HDAC1: variants seen among roughly 807,000 people sequenced by gnomAD.
HDAC1 encodes protein deacetylase HDAC1.
HDAC1 carries 18 observed loss-of-function variants against 65.5 expected under a neutral mutation model. That is an observed-to-expected ratio of 0.27 (90% CI 0.19 to 0.41). The LOEUF is 0.41. Ranked by LOEUF, HDAC1 falls within the 10% of genes least tolerant of loss-of-function variation. The probability of loss-of-function intolerance (pLI) is 1.00; values close to 1 mark genes in which losing one functional copy is unlikely to be tolerated. For missense variants in HDAC1, 373 were observed against 625.2 expected, an observed-to-expected ratio of 0.60 and a Z score of 4.30; for synonymous variants, 211 against 227.9, an observed-to-expected ratio of 0.93 and a Z score of 0.67.
At chr1:32,310,430 A>G (rs1205801048) in intron 2 of HDAC1, among the ~76,000 whole-genome samples, 3 of 152,312 alleles carry the variant, frequency 2.0e-5, no homozygotes, top group East Asian at 1.9e-4. Context: ...TGATAACTCT[A>G]TAACAGGCAC....
At chr1:32,301,382 C>T (rs1418587263) in intron 1 of HDAC1, among the ~76,000 whole-genome samples, 9 of 151,280 alleles carry the variant, frequency 5.9e-5, no homozygotes, top group Admixed American at 4.0e-4. Context: ...GGAGGCGGAG[C>T]TTGCAGTGAG....
At chr1:32,303,328 A>G (rs1570007389) in intron 2 of HDAC1, among the ~76,000 whole-genome samples, 1 of 152,224 alleles carries the variant, frequency 6.6e-6, no homozygotes, top group African/African-American at 2.4e-5. Flanking sequence ...ATGGTGGCAC[A>G]TGCCTGTAGT....
intron 1 of HDAC1, 115 bp downstream of exon 1, chr1:32,292,333 C>A (rs1640709179): frequency 6.6e-7 from 1 of 1,518,022 alleles, no homozygotes; most frequent in Non-Finnish European, 8.8e-7. Flanking sequence ...TGGGGAGAGG[C>A]TCGGAGAGGA....
At chr1:32,308,187 C>T (rs1640937451) in intron 2 of HDAC1, among the ~76,000 whole-genome samples, 1 of 152,158 alleles carries the variant, frequency 6.6e-6, no homozygotes, top group African/African-American at 2.4e-5. Flanking sequence ...GGCATGGTGG[C>T]ACATGCCTGT....
rs1265515246 is a variant in HDAC1, at chr1:32,331,936, T to C, written c.1219+130T>C. The C allele has an allele frequency of 1.4e-6, 2 of 1,413,994 alleles. No homozygotes were observed. The highest frequency in any genetic ancestry group is 2.9e-5 in the African/African-American group (2 of 69,348). The allele number at this position is 1,413,994 out of a possible 1,614,324, so 87.6% of individuals were successfully genotyped here. ...AAATCTGTTTTCGAGTTCCAGTGCCTGTAGGAACAGGTTAGGGAGCCCGAG... is the reference window on the plus strand; with the variant it reads ...AAATCTGTTTTCGAGTTCCAGTGCCCGTAGGAACAGGTTAGGGAGCCCGAG... On this transcript the variant is annotated intron_variant, in intron 11 of 13. Coordinates refer to ENST00000373548, the MANE Select transcript of HDAC1 (RefSeq NM_004964.3). This position sits in a 1 kb window ranked among gnomAD's most constrained non-coding sequence, Gnocchi z 4.2.
At position 32,324,471 on chromosome 1, in the gene HDAC1, C is replaced by G; in HGVS notation, c.281-8C>G. On this transcript the variant is annotated splice_polypyrimidine_tract_variant and splice_region_variant and intron_variant, in intron 3 of 13. Coordinates refer to ENST00000373548, the MANE Select transcript of HDAC1 (RefSeq NM_004964.3). ...GTGGAAACTAACCTTTTGCTTATTT[C>G]TTTCAAGTCAACGTTGGTGAGGACT... 6.2e-7 allele frequency: 1 copy of G among 1,602,260 alleles called. No individual in the cohort carries two copies. Among genetic ancestry groups the G allele is most frequent in the Non-Finnish European group, 8.6e-7 (1 of 1,169,508 alleles).
chr1:32,331,997 T>A lies in HDAC1; in HGVS notation c.1220-93T>A. The A allele has an allele frequency of 7.0e-7, 1 of 1,437,802 alleles. No individual in the cohort carries two copies. The highest frequency in any genetic ancestry group is 9.3e-7 in the Non-Finnish European group (1 of 1,078,400). The allele number at this position is 1,437,802 out of a possible 1,614,324, so 89.1% of individuals were successfully genotyped here. A position where few individuals can be genotyped will look rare whatever the true frequency, so the allele number is the denominator to read the frequency against. On this transcript the variant is annotated intron_variant, in intron 11 of 13. Transcript: ENST00000373548. The surrounding 1 kb of genome is among the most constrained non-coding windows in gnomAD (Gnocchi z 4.2). ...TTCTGGTTCCCTTTCCCTTGGTGTC[T>A]CTTGGAGGACACGCAGGGAAGCACT...
At chr1:32,296,181 A>C (rs979307732) in intron 1 of HDAC1, among the ~76,000 whole-genome samples, 39 of 152,102 alleles carry the variant, frequency 2.6e-4, no homozygotes, top group African/African-American at 9.4e-4. Flanking sequence ...GTTCTCAATA[A>C]ATATTTGTTG....
chr1:32,296,961 G>T (rs1037699341), intron 1 of HDAC1, among the ~76,000 whole-genome samples: 6 of 152,108 alleles, frequency 3.9e-5, no homozygotes, highest in African/African-American at 1.4e-4. Flanking sequence ...TCAAATGGAG[G>T]TAAGTTTGAA....
chr1:32,331,308 A>T lies in HDAC1; in HGVS notation c.980-166A>T, dbSNP rs1466853049. On this transcript the variant is annotated intron_variant, in intron 9 of 13. Coordinates refer to ENST00000373548, the MANE Select transcript of HDAC1 (RefSeq NM_004964.3). The surrounding 1 kb of genome is among the most constrained non-coding windows in gnomAD (Gnocchi z 4.2). ...GACATAGGAGAGTGATGTTAAAAAG[A>T]TGGAAATCCCATAGGTACCCGTGTC... 6.6e-6 allele frequency among the ~76,000 whole-genome samples: 1 copy of T among 152,216 alleles called. No homozygotes were observed. Among genetic ancestry groups the T allele is most frequent in the Non-Finnish European group, 1.5e-5 (1 of 68,034 alleles).
intron 2 of HDAC1, among the ~76,000 whole-genome samples, chr1:32,312,045 G>T (rs75994582): frequency 7.5e-4 from 114 of 152,272 alleles, no homozygotes; most frequent in African/African-American, 2.6e-3. Flanking sequence ...GGGTCTCACT[G>T]TGTTTGCCCA....
In HDAC1 at chr1:32,333,401, T is replaced by TCA. The variant is rs1294498937; in HGVS notation, c.*358_*359dup. On this transcript the variant is annotated 3_prime_UTR_variant, in exon 14 of 14. Transcript: ENST00000373548. ...CATTCTAGAAGGGGTGGCTGGGTCT[T>TCA]CAAGGATCTCCTGTTTTTTTCAGGC... 6.0e-6 allele frequency: 1 copy of TCA among 167,260 alleles called. No individual in the cohort carries two copies. Among genetic ancestry groups the TCA allele is most frequent in the African/African-American group, 2.4e-5 (1 of 41,826 alleles). The allele number at this position is 167,260 out of a possible 1,614,324, so 10.4% of individuals were successfully genotyped here.
chr1:32,303,864 A>C (rs141953595), intron 2 of HDAC1, among the ~76,000 whole-genome samples: 7 of 152,332 alleles, frequency 4.6e-5, no homozygotes, highest in Non-Finnish European at 8.8e-5. Flanking sequence ...TTTGTCTCAA[A>C]AAAAAAGTTA....
rs756126049 is a variant in HDAC1 at position 32,330,806 on chromosome 1, C to T, written c.877C>T (p.Leu293=). Residue 293 remains leucine, a synonymous_variant, in exon 9 of 14, where the codon CTG becomes TTG. Coordinates refer to ENST00000373548, the MANE Select transcript of HDAC1 (RefSeq NM_004964.3). This position sits in a 1 kb window ranked among gnomAD's most constrained non-coding sequence, Gnocchi z 4.2. ...KCVEFVKSFN[L]PMLMLGGGGY... is the part of the protein sequence containing the mutation. Reference sequence around the variant, plus strand: ...TGTGGAATTTGTCAAGAGCTTTAACCTGCCTATGCTGATGCTGGGAGGCGG... The same window carrying T: ...TGTGGAATTTGTCAAGAGCTTTAACTTGCCTATGCTGATGCTGGGAGGCGG... The T allele has an allele frequency of 6.2e-7, 1 of 1,614,178 alleles. No individual in the cohort carries two copies. Among genetic ancestry groups the T allele is most frequent in the South Asian group, 1.1e-5 (1 of 91,084 alleles).
intron 3 of HDAC1, among the ~76,000 whole-genome samples, chr1:32,321,767 C>T (rs1641149432): frequency 6.6e-6 from 1 of 152,036 alleles, no homozygotes; most frequent in African/African-American, 2.4e-5. Context: ...CCCATTCCTT[C>T]CCATGGAGGC....
At chr1:32,332,678 A>G (rs1478164858) in intron 12 of HDAC1, 23 bp from the exon 13 acceptor site, 1 of 1,549,788 alleles carries the variant, frequency 6.5e-7, no homozygotes, top group Non-Finnish European at 8.7e-7. Context: ...GCCCTTGGCC[A>G]TCCCTGTACT....
intron 2 of HDAC1, among the ~76,000 whole-genome samples, chr1:32,311,944 A>C (rs1469579965): frequency 6.6e-6 from 1 of 152,152 alleles, no homozygotes; most frequent in African/African-American, 2.4e-5. Context: ...AAGAGAGTAA[A>C]GGGCTTAGTA....
intron 13 of HDAC1, 81 bp downstream of exon 13, chr1:32,332,830 A>C (rs929273780): frequency 1.6e-5 from 21 of 1,323,408 alleles, no homozygotes; most frequent in Middle Eastern, 1.8e-4. Context: ...GGAAAGGCAC[A>C]GGGACAGCTG....
At chr1:32,309,843 T>A (rs1346844750) in intron 2 of HDAC1, among the ~76,000 whole-genome samples, 1 of 152,118 alleles carries the variant, frequency 6.6e-6, no homozygotes, top group Non-Finnish European at 1.5e-5. Context: ...TACAAGTGTG[T>A]GCCTGGGTTG....
Sources: allele counts gnomAD v4.1 joint callset (sites outside exome capture counted in the v4.1 genomes callset), GRCh38; gene constraint gnomAD v4.1.1; non-coding constraint Gnocchi (gnomAD v3.1); transcripts MANE v1.5; gene names NCBI Gene and HGNC (gene_info 2026-07-23, HGNC 2026-07-21).